The following AGBL1 variants were observed in gnomAD, a reference collection of about 807,000 sequenced individuals.
The protein encoded by AGBL1 is cytosolic carboxypeptidase 4.
In AGBL1, 130 loss-of-function variants were observed where a neutral mutation model predicts 118.9. The observed-to-expected ratio is 1.09, with a 90% CI of 0.95 to 1.26. The LOEUF (loss-of-function observed/expected upper bound fraction) is 1.26. Among genes scored for constraint, AGBL1 ranks in the 50% most tolerant of loss-of-function variants. The pLI, the probability that AGBL1 is intolerant of heterozygous loss-of-function variation, is 0.00. For missense variants in AGBL1, 1,584 were observed against 1,298.1 expected, an observed-to-expected ratio of 1.22 and a Z score of -3.38; for synonymous variants, 555 against 478.9, an observed-to-expected ratio of 1.16 and a Z score of -2.08.
At chr15:86,544,767 C>G (rs1185655320) in intron 19 of AGBL1, among the ~76,000 whole-genome samples, 1 of 152,158 alleles carries the variant, frequency 6.6e-6, no homozygotes, top group African/African-American at 2.4e-5. Flanking sequence ...GGTGGGAACA[C>G]AGCCAAACCA....
At position 86,690,233 on chromosome 15, in the gene AGBL1, A is replaced by G. The variant is rs554669141; in HGVS notation, c.3158+15797A>G. Among the ~76,000 whole-genome samples, 7 of 152,290 alleles carry G rather than the reference A, an allele frequency of 4.6e-5. No homozygotes were observed. The South Asian group carries it at 1.5e-3, about 32-fold the overall frequency. On this transcript the variant is annotated intron_variant, in intron 22 of 22. Transcript: ENST00000614907. ...ATTAAAGTCTTGCTTATAGCAAGGA[A>G]CTAAGATTTATTAATCTCTGATACT...
At chr15:86,766,738 A>G (rs957945442) in intron 22 of AGBL1, among the ~76,000 whole-genome samples, 3 of 152,018 alleles carry the variant, frequency 2.0e-5, no homozygotes, top group African/African-American at 4.8e-5. Flanking sequence ...ACACAGTTCT[A>G]ACCCTCAAAA....
At chr15:86,252,981 G>C (rs1225161398) in intron 7 of AGBL1, among the ~76,000 whole-genome samples, 2 of 152,200 alleles carry the variant, frequency 1.3e-5, no homozygotes, top group Non-Finnish European at 2.9e-5. Flanking sequence ...AAGAGCTGCT[G>C]TGTCACCTGA....
chr15:86,615,020 A>G lies in AGBL1; in HGVS notation c.2995-59253A>G, dbSNP rs113091512. On this transcript the variant is annotated intron_variant, in intron 21 of 22. Coordinates refer to ENST00000614907, the MANE Select transcript of AGBL1 (RefSeq NM_001386094.1). The surrounding 1 kb of genome is among the most constrained non-coding windows in gnomAD (Gnocchi z 4.3). ...AACTAGAATGGTGAGAGTTCATGGC[A>G]GGGCAATTTGGATAAAGTAATTAGG... 1.3e-3 allele frequency among the ~76,000 whole-genome samples: 204 copies of G among 152,346 alleles called. No individual in the cohort carries two copies. Among genetic ancestry groups the G allele is most frequent in the African/African-American group, 3.8e-3 (160 of 41,582 alleles).
intron 19 of AGBL1, among the ~76,000 whole-genome samples, chr15:86,534,652 G>A (rs1368755094): frequency 6.6e-6 from 1 of 152,154 alleles, no homozygotes; most frequent in Non-Finnish European, 1.5e-5. Context: ...ACACAGCAAA[G>A]TTTGGTATAT....
intron 17 of AGBL1, among the ~76,000 whole-genome samples, chr15:86,357,115 C>T (rs921879862): frequency 6.6e-6 from 1 of 152,112 alleles, no homozygotes; most frequent in Admixed American, 6.6e-5. Flanking sequence ...TCAGTTGGAA[C>T]ATGATTGTTA....
intron 18 of AGBL1, among the ~76,000 whole-genome samples, chr15:86,462,540 C>G (rs1265803751): frequency 1.3e-5 from 2 of 152,110 alleles, no homozygotes; most frequent in Non-Finnish European, 2.9e-5. Flanking sequence ...CACCCATCAA[C>G]TCGTCATCTA....
chr15:86,362,523 C>T (rs933475290), intron 17 of AGBL1, among the ~76,000 whole-genome samples: 18 of 152,184 alleles, frequency 1.2e-4, no homozygotes, highest in African/African-American at 4.3e-4. Context: ...CGGCTAAGTT[C>T]AGAGGGCCTG....
At chr15:86,731,921 C>G (rs1035884748) in intron 22 of AGBL1, among the ~76,000 whole-genome samples, 1 of 152,188 alleles carries the variant, frequency 6.6e-6, no homozygotes, top group East Asian at 1.9e-4. Context: ...TCTTTAAGGA[C>G]CATCTTCTTC....
At chr15:86,729,864 C>T (rs1755300254) in intron 22 of AGBL1, among the ~76,000 whole-genome samples, 2 of 152,262 alleles carry the variant, frequency 1.3e-5, no homozygotes, top group South Asian at 4.1e-4. Context: ...TTCCACAATG[C>T]CTCAACTAAT....
At chr15:86,749,433 A>T (rs1247070655) in intron 22 of AGBL1, among the ~76,000 whole-genome samples, 1 of 152,022 alleles carries the variant, frequency 6.6e-6, no homozygotes, top group African/African-American at 2.4e-5. Flanking sequence ...GGTTTTCTAG[A>T]TATATAATCA....
At chr15:86,967,801 C>A (rs2081069716) in intron 23 of AGBL1, among the ~76,000 whole-genome samples, 2 of 152,072 alleles carry the variant, frequency 1.3e-5, no homozygotes, top group Non-Finnish European at 2.9e-5. Context: ...ATTGACTTGA[C>A]AATGTGGGCT....
chr15:86,373,375 G>A (rs913869848), intron 17 of AGBL1, among the ~76,000 whole-genome samples: 2 of 152,212 alleles, frequency 1.3e-5, no homozygotes, highest in African/African-American at 4.8e-5. Flanking sequence ...GCTGGGGCAT[G>A]AGCAGGGACA....
In AGBL1 at chr15:86,760,312, A is replaced by G. The variant is rs1320953480; in HGVS notation, c.3158+85876A>G. Among the ~76,000 whole-genome samples, 3 of 151,958 alleles carry G rather than the reference A, an allele frequency of 2.0e-5. No homozygotes were observed. In the East Asian group the frequency reaches 5.8e-4, roughly 29 times the overall value. The stretch of plus-strand genomic sequence containing the variant: ...TCTTCCATAAATCAGCCTTGGGGAG[A>G]ATTAGGTGCTGAGAGATGGAGGAAT... On this transcript the variant is annotated intron_variant, in intron 22 of 22. Transcript: ENST00000614907.
At chr15:86,702,224 C>G (rs1481852644) in intron 22 of AGBL1, among the ~76,000 whole-genome samples, 1 of 151,966 alleles carries the variant, frequency 6.6e-6, no homozygotes, top group African/African-American at 2.4e-5. Context: ...TAAGCCATGA[C>G]AAATATTAAA....
intron 22 of AGBL1, among the ~76,000 whole-genome samples, chr15:86,688,168 G>T (rs2086096235): frequency 6.6e-6 from 1 of 152,080 alleles, no homozygotes; most frequent in Non-Finnish European, 1.5e-5. Flanking sequence ...ATTGCTTGGT[G>T]CTGCAGGGGA....
chr15:86,606,781 G>A (rs577071598), intron 21 of AGBL1, among the ~76,000 whole-genome samples: 31 of 152,032 alleles, frequency 2.0e-4, no homozygotes, highest in African/African-American at 3.6e-4. Flanking sequence ...CATAAGTGTC[G>A]TACATTTGTA....
At chr15:86,325,657 A>G (rs1046740152) in intron 17 of AGBL1, among the ~76,000 whole-genome samples, 4 of 152,204 alleles carry the variant, frequency 2.6e-5, no homozygotes, top group East Asian at 1.9e-4. Context: ...CGGCACAGCC[A>G]TCTTCCATCC....
At chr15:86,282,795 C>T (rs1483291669) in intron 16 of AGBL1, among the ~76,000 whole-genome samples, 3 of 152,090 alleles carry the variant, frequency 2.0e-5, no homozygotes, top group African/African-American at 7.2e-5. Context: ...CTGTATGTTA[C>T]TTGGGGGTTA....
Sources: gnomAD v4.1 joint callset for allele counts (sites outside exome capture counted in the v4.1 genomes callset) on GRCh38, gnomAD v4.1.1 for gene constraint, Gnocchi (gnomAD v3.1) non-coding constraint, MANE v1.5 for transcripts, NCBI Gene and HGNC (gene_info 2026-07-23, HGNC 2026-07-21) for gene names.